PLA2G6: variants seen among roughly 807,000 people sequenced by gnomAD.
PLA2G6 encodes the protein 85/88 kDa calcium-independent phospholipase A2.
In PLA2G6, 62 loss-of-function variants were observed where a neutral mutation model predicts 83.8. That is an observed-to-expected ratio of 0.74 (90% CI 0.60 to 0.91). The LOEUF is 0.91. Ranked by LOEUF, PLA2G6 falls within the 40% of genes least tolerant of loss-of-function variation. The pLI is 0.00. For missense variants in PLA2G6, 944 were observed against 1,102.0 expected, an observed-to-expected ratio of 0.86 and a Z score of 2.03; for synonymous variants, 417 against 449.8, an observed-to-expected ratio of 0.93 and a Z score of 0.92.
chr22:38,178,736 T>C (rs1383074449), intron 1 of PLA2G6, among the ~76,000 whole-genome samples: 5 of 151,984 alleles, frequency 3.3e-5, no homozygotes, highest in African/African-American at 4.8e-5. Context: ...TGTGGTGGCG[T>C]GCACCTGTAA....
chr22:38,175,810 C>A lies in PLA2G6; in HGVS notation c.-46+5854G>T, dbSNP rs1011035628. 2.6e-5 allele frequency among the ~76,000 whole-genome samples: 4 copies of A among 152,290 alleles called. 1 individual carries two copies. The highest frequency in any genetic ancestry group is 6.8e-3 in the Middle Eastern group (2 of 294). On this transcript the variant is annotated intron_variant, in intron 1 of 16. Coordinates refer to ENST00000332509, the MANE Select transcript of PLA2G6 (RefSeq NM_003560.4). The stretch of plus-strand genomic sequence containing the variant: ...CTGTTGGCTTGGGCTGCTCACCCAA[C>A]CCGCTTTGATTTGTTTCCCTAAGCA...
At position 38,132,403 on chromosome 22, in the gene PLA2G6, G is replaced by A. The variant is rs2088272875; in HGVS notation, c.1077+428C>T. 1.9e-5 allele frequency: 6 copies of A among 324,308 alleles called. No homozygotes were observed. The highest frequency in any genetic ancestry group is 1.3e-4 in the South Asian group (5 of 38,758). 20.1% of individuals were successfully genotyped at this position (324,308 alleles called of 1,614,324 possible). On this transcript the variant is annotated intron_variant, in intron 7 of 16. Coordinates refer to ENST00000332509, the MANE Select transcript of PLA2G6 (RefSeq NM_003560.4). The surrounding 1 kb of genome is among the most constrained non-coding windows in gnomAD (Gnocchi z 5.0). ...CTCACTCGGGCCAGGTACTGCGTGT[G>A]TCACTTAGACATTCTGTAGAGGGTG...
intron 2 of PLA2G6, among the ~76,000 whole-genome samples, chr22:38,165,595 C>T (rs1246559707): frequency 3.3e-5 from 5 of 152,126 alleles, no homozygotes; most frequent in East Asian, 1.9e-4. Flanking sequence ...GGAAGCTGGC[C>T]GGGCGCGGTG....
intron 2 of PLA2G6, among the ~76,000 whole-genome samples, chr22:38,166,929 G>T (rs2090236916): frequency 6.6e-6 from 1 of 152,000 alleles, no homozygotes; most frequent in African/African-American, 2.4e-5. Context: ...GATTGGCAGA[G>T]AATGTGCTAA....
intron 11 of PLA2G6, among the ~76,000 whole-genome samples, chr22:38,121,966 C>T (rs565617797): frequency 2.0e-5 from 3 of 152,270 alleles, no homozygotes; most frequent in East Asian, 1.9e-4. Context: ...CTGCTCACCC[C>T]GCAGGGCTAT....
At chr22:38,173,157 T>C (rs920564846) in intron 1 of PLA2G6, among the ~76,000 whole-genome samples, 3 of 152,126 alleles carry the variant, frequency 2.0e-5, no homozygotes, top group Non-Finnish European at 2.9e-5. Flanking sequence ...CCTTGGACCC[T>C]GGAGCCTAGG....
At chr22:38,179,636 A>G (rs549101647) in intron 1 of PLA2G6, among the ~76,000 whole-genome samples, 8 of 152,210 alleles carry the variant, frequency 5.3e-5, no homozygotes, top group Admixed American at 1.3e-4. Flanking sequence ...TACAAAAATT[A>G]GTTGGGCATG....
At chr22:38,153,679 T>G (rs59270368) in intron 2 of PLA2G6, among the ~76,000 whole-genome samples, 1,990 of 151,136 alleles carry the variant, frequency 0.013, 37 homozygotes, top group African/African-American at 0.046. Flanking sequence ...CTCCACCAAT[T>G]GTCCTCCCTG....
chr22:38,120,066 C>A (rs2087436411), intron 12 of PLA2G6, among the ~76,000 whole-genome samples: 1 of 152,160 alleles, frequency 6.6e-6, no homozygotes, highest in Non-Finnish European at 1.5e-5. Context: ...GGGACACTCA[C>A]TTTCAAAATA....
chr22:38,146,724 TGC>T (rs1221929045), intron 2 of PLA2G6: 1 of 151,924 alleles, frequency 6.6e-6, no homozygotes, highest in Non-Finnish European at 1.5e-5. Context: ...TAAACTATTA[TGC>T]AGTCATTAAA....
chr22:38,172,844 C>T (rs576433752), intron 1 of PLA2G6, among the ~76,000 whole-genome samples: 14 of 152,354 alleles, frequency 9.2e-5, no homozygotes, highest in Non-Finnish European at 1.3e-4. Context: ...GTGTACCCCC[C>T]ACCAGAGCCT....
intron 3 of PLA2G6, chr22:38,143,612 C>T (rs1445717074): frequency 2.2e-6 from 1 of 451,762 alleles, no homozygotes; most frequent in Non-Finnish European, 4.1e-6. Context: ...ATTCACTTAA[C>T]CTTTCTGGGC....
At chr22:38,137,878 G>C (rs574079451) in intron 5 of PLA2G6, 6 of 152,442 alleles carry the variant, frequency 3.9e-5, no homozygotes, top group African/African-American at 1.4e-4. Flanking sequence ...AACAGCGAGG[G>C]AGCTCCTAGT....
chr22:38,141,889 T>A (rs2145812264), intron 4 of PLA2G6: 4 of 151,938 alleles, frequency 2.6e-5, no homozygotes, highest in Admixed American at 2.6e-4. Context: ...GCAAGAAGCA[T>A]AAGATATGAA....
intron 2 of PLA2G6, among the ~76,000 whole-genome samples, chr22:38,157,162 G>A (rs2089816672): frequency 6.6e-6 from 1 of 151,736 alleles, no homozygotes; most frequent in Non-Finnish European, 1.5e-5. Context: ...CAATACAAAA[G>A]ATCAACAAAA....
At chr22:38,172,812 C>T (rs1380512891) in intron 1 of PLA2G6, among the ~76,000 whole-genome samples, 1 of 152,202 alleles carries the variant, frequency 6.6e-6, no homozygotes, top group Admixed American at 6.5e-5. Flanking sequence ...TTCCACACAC[C>T]CCTTCGTCAA....
Position 38,169,335 on chromosome 22 carries a change from T to G in PLA2G6, c.92A>C (p.Asp31Ala). 1 of 1,614,130 alleles carries G rather than the reference T, an allele frequency of 6.2e-7. No individual in the cohort carries two copies. Among genetic ancestry groups the G allele is most frequent in the Non-Finnish European group, 8.5e-7 (1 of 1,180,002 alleles). The stretch of plus-strand genomic sequence containing the variant: ...CCGAACTCGGTCACTCGAGGTGTAG[T>G]CGGCCACAGCCACCTCCTTCACCCG... ...PFRVKEVAVA[D>A]YTSSDRVREE... Residue 31 changes from aspartate (D) to alanine (A), a missense_variant, in exon 2 of 17, where the codon GAC becomes GCC. By Grantham distance (126) the Asp-to-Ala change is moderately radical. Coordinates refer to ENST00000332509, the MANE Select transcript of PLA2G6 (RefSeq NM_003560.4).
chr22:38,176,242 A>G (rs935663142), intron 1 of PLA2G6, among the ~76,000 whole-genome samples: 3 of 152,128 alleles, frequency 2.0e-5, no homozygotes, highest in Admixed American at 6.6e-5. Context: ...CTCCTAGTCC[A>G]AGCAGGAAAG....
intron 1 of PLA2G6, among the ~76,000 whole-genome samples, chr22:38,179,728 G>A (rs1006401554): frequency 3.3e-5 from 5 of 152,140 alleles, no homozygotes; most frequent in Admixed American, 1.3e-4. Flanking sequence ...AGCCGAGATC[G>A]TGCCATTGCA....
Sources: gnomAD v4.1 joint callset for allele counts (sites outside exome capture counted in the v4.1 genomes callset) on GRCh38, gnomAD v4.1.1 for gene constraint, Gnocchi (gnomAD v3.1) non-coding constraint, MANE v1.5 for transcripts, NCBI Gene and HGNC (gene_info 2026-07-23, HGNC 2026-07-21) for gene names.